CFAP299: variants seen among roughly 807,000 people sequenced by gnomAD.
The protein encoded by CFAP299 is cilia and flagella associated protein 299.
Under a neutral mutation model 27.0 loss-of-function variants are expected in CFAP299, and 21 were observed. The observed-to-expected ratio is 0.78, with a 90% CI of 0.55 to 1.12. The LOEUF is 1.12. CFAP299 is among the 50% of genes most tolerant of loss of function. CFAP299 has a pLI of 0.00. For missense variants in CFAP299, 310 were observed against 276.6 expected (o/e 1.12, Z -0.86); for synonymous variants, 104 against 98.1 (o/e 1.06, Z -0.36).
chr4:80,447,812 C>T (rs1288176854), intron 2 of CFAP299, among the ~76,000 whole-genome samples: 1 of 152,134 alleles, frequency 6.6e-6, no homozygotes, highest in Admixed American at 6.5e-5. Context: ...TCCTCCCACC[C>T]CATCCCCATC....
In CFAP299 at chr4:80,534,321, A is replaced by C. The variant is rs546907043; in HGVS notation, c.243-48772A>C. Among the ~76,000 whole-genome samples the C allele has an allele frequency of 8.2e-4, 125 of 151,574 alleles. 5 individuals carry two copies. The South Asian group carries it at 0.025, about 30-fold the overall frequency. ...TGAACAGAACTCACTCTGTGGAAAA[A>C]AAAAAAAAAAACAACCAAAATTTTC... On this transcript the variant is annotated intron_variant, in intron 2 of 5. Coordinates refer to ENST00000358105, the MANE Select transcript of CFAP299 (RefSeq NM_152770.3).
intron 1 of CFAP299, among the ~76,000 whole-genome samples, chr4:80,359,148 C>A (rs1001220632): frequency 6.6e-6 from 1 of 152,074 alleles, no homozygotes; most frequent in African/African-American, 2.4e-5. Flanking sequence ...ATATTGGCCC[C>A]CAATCTTTTC....
intron 2 of CFAP299, among the ~76,000 whole-genome samples, chr4:80,445,904 A>C (rs1560571062): frequency 6.6e-6 from 1 of 152,178 alleles, no homozygotes. Flanking sequence ...CTGAGTTGGC[A>C]TTGTATGCTA....
chr4:80,872,087 T>C (rs1733128386), intron 4 of CFAP299: 1 of 152,130 alleles, frequency 6.6e-6, no homozygotes, highest in African/African-American at 2.4e-5. Flanking sequence ...ACTGATCCAG[T>C]AAAATCGTGC....
intron 2 of CFAP299, among the ~76,000 whole-genome samples, chr4:80,489,483 A>G (rs753958303): frequency 3.0e-4 from 46 of 152,218 alleles, no homozygotes; most frequent in Non-Finnish European, 3.2e-4. Flanking sequence ...AATATGGAAA[A>G]CAACAAATGC....
intron 3 of CFAP299, among the ~76,000 whole-genome samples, chr4:80,616,479 G>A (rs1160921212): frequency 6.6e-6 from 1 of 151,762 alleles, no homozygotes; most frequent in Non-Finnish European, 1.5e-5. Context: ...AAGGGCTGTA[G>A]AGATCATCTA....
chr4:80,856,338 T>C lies in CFAP299; in HGVS notation c.334-13655T>C, dbSNP rs1359828416. 2.0e-5 allele frequency among the ~76,000 whole-genome samples: 3 copies of C among 149,120 alleles called. 1 individual carries two copies. Among genetic ancestry groups the C allele is most frequent in the Non-Finnish European group, 4.4e-5 (3 of 67,456 alleles). Reference sequence around the variant, plus strand: ...AGATGAGTAGGTTGCGAAAATTTTCTCCCATTTTGTGGGTTGCCTGTTCAC... The same window carrying C: ...AGATGAGTAGGTTGCGAAAATTTTCCCCCATTTTGTGGGTTGCCTGTTCAC... On this transcript the variant is annotated intron_variant, in intron 3 of 5. Coordinates refer to ENST00000358105, the MANE Select transcript of CFAP299 (RefSeq NM_152770.3).
chr4:80,742,863 C>CA (rs1244707974), intron 3 of CFAP299, among the ~76,000 whole-genome samples: 3 of 151,898 alleles, frequency 2.0e-5, no homozygotes, highest in Middle Eastern at 3.4e-3. Flanking sequence ...TTTGAAAGCT[C>CA]AAAAAAACAC....
chr4:80,879,959 C>T lies in CFAP299; in HGVS notation c.476+9824C>T, dbSNP rs78641967. On this transcript the variant is annotated intron_variant, in intron 4 of 5. Transcript: ENST00000358105. ...TAATCTGTCTTTACTATCATTCATGCATTTGGAGGTCTACAAAGTCAGACC... is the reference window on the plus strand; with the variant it reads ...TAATCTGTCTTTACTATCATTCATGTATTTGGAGGTCTACAAAGTCAGACC... Among the ~76,000 whole-genome samples the T allele has an allele frequency of 3.5e-3, 536 of 152,284 alleles. 3 individuals are homozygous for T. The highest frequency in any genetic ancestry group is 0.013 in the African/African-American group (522 of 41,556).
At chr4:80,328,698 G>A in the CFAP299 span, among the ~76,000 whole-genome samples, 1 of 152,120 alleles carries the variant, frequency 6.6e-6, no homozygotes, top group Non-Finnish European at 1.5e-5. Flanking sequence ...CCTGTGCTTT[G>A]TTCCAGAAAA....
chr4:80,628,132 T>C (rs188484758), intron 3 of CFAP299, among the ~76,000 whole-genome samples: 44 of 152,108 alleles, frequency 2.9e-4, no homozygotes, highest in Non-Finnish European at 5.4e-4. Flanking sequence ...GGCATAAAAA[T>C]AGACACACAG....
chr4:80,556,830 G>A (rs1734807732), intron 2 of CFAP299, among the ~76,000 whole-genome samples: 4 of 151,894 alleles, frequency 2.6e-5, no homozygotes, highest in Admixed American at 2.6e-4. Context: ...TAAGACTTAA[G>A]ACAGCATGAG....
At chr4:80,547,994 C>A (rs576491308) in intron 2 of CFAP299, among the ~76,000 whole-genome samples, 1 of 152,238 alleles carries the variant, frequency 6.6e-6, no homozygotes, top group Non-Finnish European at 1.5e-5. Flanking sequence ...TAAAACAGAA[C>A]TACCATTTGA....
At chr4:80,650,625 A>C (rs1277267302) in intron 3 of CFAP299, among the ~76,000 whole-genome samples, 1 of 152,172 alleles carries the variant, frequency 6.6e-6, no homozygotes, top group African/African-American at 2.4e-5. Flanking sequence ...GGTACAGTAC[A>C]GGGCTAGGGT....
rs142018518 is a variant in CFAP299 at position 80,557,395 on chromosome 4, C to T, written c.243-25698C>T. On this transcript the variant is annotated intron_variant, in intron 2 of 5. Coordinates refer to ENST00000358105, the MANE Select transcript of CFAP299 (RefSeq NM_152770.3). ...CAATGCTCAGAATTTAGCAGGGGGTCAGTACCTTTTTCAGATCCAAGAGTC... is the reference window on the plus strand; with the variant it reads ...CAATGCTCAGAATTTAGCAGGGGGTTAGTACCTTTTTCAGATCCAAGAGTC... Among the ~76,000 whole-genome samples the T allele has an allele frequency of 9.8e-3, 1,484 of 152,152 alleles. 20 individuals are homozygous for T. Among genetic ancestry groups the T allele is most frequent in the South Asian group, 0.069 (333 of 4,814 alleles).
At chr4:80,341,854 G>A (rs1157374828) in intron 1 of CFAP299, among the ~76,000 whole-genome samples, 1 of 152,210 alleles carries the variant, frequency 6.6e-6, no homozygotes, top group Non-Finnish European at 1.5e-5. Flanking sequence ...GGCTTCACAA[G>A]TTGGGTAATA....
intron 2 of CFAP299, among the ~76,000 whole-genome samples, chr4:80,368,623 T>C (rs1578362673): frequency 6.6e-6 from 1 of 152,228 alleles, no homozygotes; most frequent in African/African-American, 2.4e-5. Context: ...ACCCCAAATC[T>C]TAAAAAAAAA....
chr4:80,481,302 T>A (rs1369681537), intron 2 of CFAP299, among the ~76,000 whole-genome samples: 1 of 151,980 alleles, frequency 6.6e-6, no homozygotes, highest in Admixed American at 6.6e-5. Flanking sequence ...TGTGCTAAAA[T>A]TATCAACCAC....
At chr4:80,461,645 T>TTA (rs1343782708) in intron 2 of CFAP299, among the ~76,000 whole-genome samples, 12 of 152,168 alleles carry the variant, frequency 7.9e-5, no homozygotes, top group Non-Finnish European at 1.8e-4. Context: ...CAGGTTTACT[T>TTA]TAGAATGCCC....
Sources: gnomAD v4.1 joint callset for allele counts (sites outside exome capture counted in the v4.1 genomes callset) on GRCh38, gnomAD v4.1.1 for gene constraint, MANE v1.5 for transcripts, NCBI Gene and HGNC (gene_info 2026-07-23, HGNC 2026-07-21) for gene names.